HDAC9: variants seen among roughly 807,000 people sequenced by gnomAD.
The protein encoded by HDAC9 is histone deacetylase 9.
In HDAC9, 41 loss-of-function variants were observed where a neutral mutation model predicts 139.4. The ratio of observed to expected loss-of-function variants is 0.29; its 90% CI spans 0.23 to 0.38. HDAC9 has a LOEUF of 0.38. Ranked by LOEUF, HDAC9 falls within the 10% of genes least tolerant of loss-of-function variation. HDAC9 has a pLI of 1.00. For synonymous variants in HDAC9, 517 were observed against 476.2 expected, an observed-to-expected ratio of 1.09 and a Z score of -1.12; for missense variants, 1,147 against 1,297.0, an observed-to-expected ratio of 0.88 and a Z score of 1.78.
intron 6 of HDAC9, among the ~76,000 whole-genome samples, chr7:18,616,572 T>C (rs1330503963): frequency 6.6e-6 from 1 of 152,206 alleles, no homozygotes; most frequent in Non-Finnish European, 1.5e-5. Flanking sequence ...ATGTATGATA[T>C]AGTTCAGTAA....
At chr7:18,614,101 T>A (rs2128919323) in intron 6 of HDAC9, among the ~76,000 whole-genome samples, 1 of 152,278 alleles carries the variant, frequency 6.6e-6, no homozygotes, top group South Asian at 2.1e-4. Flanking sequence ...ATAGTAGGGT[T>A]TAACCCAGCT....
chr7:18,271,749 C>T (rs1337244419), intron 2 of HDAC9, among the ~76,000 whole-genome samples: 1 of 152,200 alleles, frequency 6.6e-6, no homozygotes, highest in Non-Finnish European at 1.5e-5. Flanking sequence ...TTTGCAGCAG[C>T]ATTTTAATAC....
chr7:18,741,006 G>A (rs1787396542), intron 13 of HDAC9, among the ~76,000 whole-genome samples: 1 of 152,184 alleles, frequency 6.6e-6, no homozygotes, highest in East Asian at 1.9e-4. Flanking sequence ...AGTTGCTGAA[G>A]AAAAGTTGAA....
chr7:18,658,390 T>C lies in HDAC9; in HGVS notation c.1468-7823T>C, dbSNP rs1263058371. Among the ~76,000 whole-genome samples, 4 of 152,160 alleles carry C rather than the reference T, an allele frequency of 2.6e-5. No homozygotes were observed. The East Asian group carries it at 5.8e-4, about 22-fold the overall frequency. ...AACACTTATTGAAGTTACTGAAATA[T>C]TAGCAAGTTTTGAGAACCAGAGGAA... On this transcript the variant is annotated intron_variant, in intron 11 of 25. Coordinates refer to ENST00000686413, the MANE Select transcript of HDAC9 (RefSeq NM_178425.4).
At chr7:18,885,225 T>C (rs900013037) in intron 22 of HDAC9, among the ~76,000 whole-genome samples, 2 of 152,206 alleles carry the variant, frequency 1.3e-5, no homozygotes, top group Non-Finnish European at 2.9e-5. Flanking sequence ...ATCAGAATTA[T>C]CCCAGGAATG....
intron 5 of HDAC9, 59 bp from the exon 6 acceptor site, chr7:18,593,849 C>A: frequency 6.3e-7 from 1 of 1,587,870 alleles, no homozygotes; most frequent in Non-Finnish European, 8.6e-7. Context: ...CTGATTATTG[C>A]TGACCAATAT....
At chr7:18,866,252 C>G (rs1280052677) in intron 21 of HDAC9, among the ~76,000 whole-genome samples, 2 of 151,864 alleles carry the variant, frequency 1.3e-5, no homozygotes, top group Admixed American at 1.3e-4. Flanking sequence ...ACGGCCTTCT[C>G]TAGGTACCCC....
intron 17 of HDAC9, among the ~76,000 whole-genome samples, chr7:18,814,959 G>A (rs917623418): frequency 6.6e-5 from 10 of 151,986 alleles, no homozygotes; most frequent in African/African-American, 2.2e-4. Context: ...TATAGGTAAC[G>A]AATGATGGTG....
intron 1 of HDAC9, among the ~76,000 whole-genome samples, chr7:18,463,037 T>A (rs2128111539): frequency 6.6e-6 from 1 of 152,128 alleles, no homozygotes; most frequent in South Asian, 2.1e-4. Flanking sequence ...GTCCACAGTT[T>A]TGTAATTTTA....
At chr7:18,630,929 C>A (rs1305485738) in intron 7 of HDAC9, among the ~76,000 whole-genome samples, 1 of 152,026 alleles carries the variant, frequency 6.6e-6, no homozygotes, top group Non-Finnish European at 1.5e-5. Flanking sequence ...AGAAAGTAAG[C>A]CCCTTCTAAC....
chr7:18,800,375 A>G (rs1361648517), intron 17 of HDAC9, among the ~76,000 whole-genome samples: 2 of 152,158 alleles, frequency 1.3e-5, no homozygotes, highest in Non-Finnish European at 2.9e-5. Context: ...GTTTAAACTC[A>G]CCGTGTCATT....
At chr7:18,463,111 GAAAT>G (rs892925300) in intron 1 of HDAC9, among the ~76,000 whole-genome samples, 3 of 151,882 alleles carry the variant, frequency 2.0e-5, no homozygotes, top group Non-Finnish European at 2.9e-5. Flanking sequence ...TCCTATAACT[GAAAT>G]AAATTGAACT....
chr7:18,549,401 C>T (rs1816333780), intron 2 of HDAC9, among the ~76,000 whole-genome samples: 1 of 152,162 alleles, frequency 6.6e-6, no homozygotes. Flanking sequence ...TAAACATTCA[C>T]AGTGTCCCTC....
In HDAC9 at chr7:18,967,061, A is replaced by G. The variant is rs144734723; in HGVS notation, c.3023-8745A>G. On this transcript the variant is annotated intron_variant, in intron 24 of 25. Coordinates refer to ENST00000686413, the MANE Select transcript of HDAC9 (RefSeq NM_178425.4). ...AAATGTTTGTCGATATTCATTATTC[A>G]TCAGGGGGACAGAGTAAAATCACAG... Among the ~76,000 whole-genome samples the G allele has an allele frequency of 1.4e-3, 218 of 152,346 alleles. 1 individual carries two copies. Among genetic ancestry groups the G allele is most frequent in the African/African-American group, 5.1e-3 (211 of 41,580 alleles).
At chr7:18,369,296 C>A (rs940303660) in intron 1 of HDAC9, among the ~76,000 whole-genome samples, 6 of 152,008 alleles carry the variant, frequency 3.9e-5, no homozygotes, top group African/African-American at 1.2e-4. Context: ...TTAAAAAATT[C>A]TTTTAGTGAC....
intron 11 of HDAC9, 85 bp from the exon 12 acceptor site, chr7:18,666,128 G>A (rs1218348179): frequency 3.0e-6 from 4 of 1,334,506 alleles, no homozygotes; most frequent in Non-Finnish European, 4.1e-6. Context: ...CACAGTGTAT[G>A]AGTTATTAGA....
chr7:18,885,554 A>G (rs1237007371), intron 22 of HDAC9, among the ~76,000 whole-genome samples: 1 of 152,216 alleles, frequency 6.6e-6, no homozygotes, highest in Admixed American at 6.5e-5. Flanking sequence ...AGAAAAATTA[A>G]GTAACTATGC....
rs559814292 is a variant in HDAC9 at position 18,940,778 on chromosome 7, C to G, written c.2937+4836C>G. 8.5e-4 allele frequency among the ~76,000 whole-genome samples: 129 copies of G among 152,240 alleles called. 1 individual carries two copies. Among genetic ancestry groups the G allele is most frequent in the African/African-American group, 2.9e-3 (121 of 41,562 alleles). ...TATGCAAAGCCAATTAGTGGCACCC[C>G]GGGTTACTTCCTCTGAAAGAAATTT... On this transcript the variant is annotated intron_variant, in intron 23 of 25. Coordinates refer to ENST00000686413, the MANE Select transcript of HDAC9 (RefSeq NM_178425.4).
chr7:18,617,550 TA>T (rs1160228797), intron 6 of HDAC9, among the ~76,000 whole-genome samples: 1 of 152,190 alleles, frequency 6.6e-6, no homozygotes, highest in Non-Finnish European at 1.5e-5. Flanking sequence ...TCCTCTCTGT[TA>T]AGCTTTACCT....
Sources: allele counts gnomAD v4.1 joint callset (sites outside exome capture counted in the v4.1 genomes callset), GRCh38; gene constraint gnomAD v4.1.1; transcripts MANE v1.5; gene names NCBI Gene and HGNC (gene_info 2026-07-23, HGNC 2026-07-21).